Variants in CCDC68 observed in about 807,000 individuals in gnomAD.
CCDC68 encodes the protein coiled-coil domain-containing protein 68.
CCDC68 carries 45 observed loss-of-function variants against 47.1 expected under a neutral mutation model. The ratio of observed to expected loss-of-function variants is 0.96; its 90% CI spans 0.75 to 1.23. CCDC68 has a LOEUF of 1.23. CCDC68 is among the 50% of genes most tolerant of loss of function. The pLI, the probability that CCDC68 is intolerant of heterozygous loss-of-function variation, is 0.00. For missense variants in CCDC68, 353 were observed against 373.6 expected, an observed-to-expected ratio of 0.94 and a Z score of 0.45; for synonymous variants, 131 against 129.5, an observed-to-expected ratio of 1.01 and a Z score of -0.08.
At chr18:54,932,258 C>T (rs1336419343) in intron 7 of CCDC68, among the ~76,000 whole-genome samples, 2 of 150,998 alleles carry the variant, frequency 1.3e-5, no homozygotes, top group Admixed American at 1.3e-4. Flanking sequence ...CATCTCGGCT[C>T]ACTGCAGCCT....
At position 54,917,897 on chromosome 18, in the gene CCDC68, C is replaced by G; in HGVS notation, c.873+16G>C. The G allele has an allele frequency of 6.8e-7, 1 of 1,478,800 alleles. No homozygotes were observed. The highest frequency in any genetic ancestry group is 9.4e-7 in the Non-Finnish European group (1 of 1,059,274). 91.6% of individuals were successfully genotyped at this position (1,478,800 alleles called of 1,614,324 possible). Reference sequence around the variant, plus strand: ...CACACCCTCACAACAAAATGTAAGACAGGTTCCCTCCTTACCTGGGCTTCA... The same window carrying G: ...CACACCCTCACAACAAAATGTAAGAGAGGTTCCCTCCTTACCTGGGCTTCA... On this transcript the variant is annotated intron_variant, in intron 10 of 11. Transcript: ENST00000591504.
intron 1 of CCDC68, among the ~76,000 whole-genome samples, chr18:54,946,370 G>T (rs1043830957): frequency 6.6e-6 from 1 of 152,204 alleles, no homozygotes; most frequent in East Asian, 1.9e-4. Flanking sequence ...GGCAAGGAGT[G>T]GGGGCAGGAC....
intron 7 of CCDC68, among the ~76,000 whole-genome samples, chr18:54,931,184 G>A (rs1328231376): frequency 6.6e-6 from 1 of 152,208 alleles, no homozygotes; most frequent in Non-Finnish European, 1.5e-5. Flanking sequence ...AAGGGGACCA[G>A]ACAACCGGAC....
At position 54,938,057 on chromosome 18, in the gene CCDC68, T is replaced by C. The variant is rs766063187; in HGVS notation, c.245A>G (p.Asp82Gly). 1 of 1,613,886 alleles carries C rather than the reference T, an allele frequency of 6.2e-7. No homozygotes were observed. The highest frequency in any genetic ancestry group is 2.2e-5 in the East Asian group (1 of 44,842). Residue 82 changes from aspartate (D) to glycine (G), a missense_variant, in exon 5 of 12, where the codon GAT (aspartate) becomes GGT (glycine). By Grantham distance (94) the Asp-to-Gly change is moderately conservative (BLOSUM62 -1). Transcript: ENST00000591504. ...CAAATCCAAACTGCAACAAGAAGGA[T>C]CCATTTCAGAATCAGAGCCCTGTTG... Reference protein sequence around the residue: ...NLQQGSDSEMDPSCCSLDLLM... With the variant: ...NLQQGSDSEMGPSCCSLDLLM...
chr18:54,920,520 A>G (rs11661650), intron 8 of CCDC68, among the ~76,000 whole-genome samples: 27,000 of 152,146 alleles, frequency 0.18, 2,480 homozygotes, highest in South Asian at 0.25. Context: ...CAAAGATAGC[A>G]GAAATTCATA....
chr18:54,955,250 A>G (rs1175923653), intron 1 of CCDC68, among the ~76,000 whole-genome samples: 2 of 152,172 alleles, frequency 1.3e-5, no homozygotes, highest in African/African-American at 4.8e-5. Flanking sequence ...ACTTGAGCCC[A>G]GGAGTTTGAG....
chr18:54,931,277 C>G (rs999685360), intron 7 of CCDC68, among the ~76,000 whole-genome samples: 3 of 152,106 alleles, frequency 2.0e-5, no homozygotes, highest in African/African-American at 7.2e-5. Context: ...GAAAATCTCA[C>G]CATACCAGAT....
chr18:54,954,725 C>G (rs144335103), intron 1 of CCDC68: 1 of 151,892 alleles, frequency 6.6e-6, no homozygotes, highest in African/African-American at 2.4e-5. Context: ...GCTATAAAAT[C>G]GTGAGTATAA....
intron 5 of CCDC68, chr18:54,937,730 G>A: frequency 2.7e-6 from 1 of 371,450 alleles, no homozygotes; most frequent in Non-Finnish European, 4.9e-6. Flanking sequence ...TTGTATAACT[G>A]TTGAACTTTT....
At chr18:54,927,410 AAGAC>A (rs1361055593) in intron 8 of CCDC68, among the ~76,000 whole-genome samples, 1 of 152,194 alleles carries the variant, frequency 6.6e-6, no homozygotes, top group East Asian at 1.9e-4. Flanking sequence ...TGTTGGCTCA[AAGAC>A]AGACAATAGC....
chr18:54,942,092 C>G (rs542052719), intron 3 of CCDC68, among the ~76,000 whole-genome samples: 2 of 152,326 alleles, frequency 1.3e-5, no homozygotes, highest in South Asian at 4.1e-4. Flanking sequence ...GCCACTGCAC[C>G]TGGCCTACTC....
intron 11 of CCDC68, among the ~76,000 whole-genome samples, chr18:54,906,318 C>A (rs1428610196): frequency 6.6e-6 from 1 of 152,046 alleles, no homozygotes; most frequent in Admixed American, 6.6e-5. Flanking sequence ...TTTGGCCTTT[C>A]CCAAGTCACA....
At chr18:54,918,229 C>A (rs2043989478) in intron 9 of CCDC68, among the ~76,000 whole-genome samples, 1 of 152,228 alleles carries the variant, frequency 6.6e-6, no homozygotes, top group African/African-American at 2.4e-5. Flanking sequence ...TTTGGATAAC[C>A]TGTTTAAACC....
chr18:54,934,744 T>C, intron 7 of CCDC68, 76 bp downstream of exon 7: 1 of 1,041,064 alleles, frequency 9.6e-7, no homozygotes, highest in Non-Finnish European at 1.3e-6. Context: ...ATATCCTATT[T>C]ATTTTAGTAT....
At chr18:54,941,916 C>T (rs1041633825) in intron 3 of CCDC68, among the ~76,000 whole-genome samples, 2 of 152,120 alleles carry the variant, frequency 1.3e-5, no homozygotes, top group Non-Finnish European at 2.9e-5. Flanking sequence ...CTGCCTCAGC[C>T]TCCTGAGTAG....
intron 10 of CCDC68, among the ~76,000 whole-genome samples, chr18:54,916,749 G>A (rs1289864441): frequency 2.0e-5 from 3 of 152,126 alleles, no homozygotes; most frequent in Non-Finnish European, 4.4e-5. Flanking sequence ...CTAGCAAGGG[G>A]GTTGATATGG....
chr18:54,907,071 A>C lies in CCDC68; in HGVS notation c.950+715T>G, dbSNP rs565357813. On this transcript the variant is annotated intron_variant, in intron 11 of 11. Transcript: ENST00000591504. ...GCTTGGGAAATTCAAAAGCTGCTAG[A>C]AGACGAAGTTTTTAATCACTTTTTG... Among the ~76,000 whole-genome samples, 115 of 152,340 alleles carry C rather than the reference A, an allele frequency of 7.5e-4. 1 individual carries two copies. The highest frequency in any genetic ancestry group is 1.4e-3 in the Non-Finnish European group (94 of 68,030).
rs778566847 is a variant in CCDC68 at position 54,942,711 on chromosome 18, G to A, written c.81C>T (p.Ser27=). ...EDNSALYEST[S]AHIIEETEYV... is the part of the protein sequence containing the mutation. The stretch of plus-strand genomic sequence containing the variant: ...ACTCGGTTTCTTCAATAATGTGAGC[G>A]GACGTAGACTCATACAAGGCAGAAT... The change falls in exon 3 of 12, where the codon TCC becomes TCT. Residue 27 remains serine (S), a synonymous_variant. Coordinates refer to ENST00000591504, the MANE Select transcript of CCDC68 (RefSeq NM_025214.3). 21 of 1,608,914 alleles carry A rather than the reference G, an allele frequency of 1.3e-5. No individual in the cohort carries two copies. The highest frequency in any genetic ancestry group is 4.4e-5 in the South Asian group (4 of 90,520).
At position 54,936,884 on chromosome 18, in the gene CCDC68, C is replaced by A; in HGVS notation, c.420G>T (p.Thr140=). 1.9e-6 allele frequency: 3 copies of A among 1,614,050 alleles called. No individual in the cohort carries two copies. Among genetic ancestry groups the A allele is most frequent in the South Asian group, 1.1e-5 (1 of 91,078 alleles). Residue 140 remains threonine (T), a synonymous_variant, in exon 6 of 12, where the codon ACG becomes ACT. Transcript: ENST00000591504. ...GCTTCTTTCTCACTTCTTCAGATTG[C>A]GTTTGGTAGTTTTCAAATAATCTCT... The part of the protein sequence containing the change: ...VAQRLFENYQ[T]QSEEVRKKQE...
Sources: gnomAD v4.1 joint callset for allele counts (sites outside exome capture counted in the v4.1 genomes callset) on GRCh38, gnomAD v4.1.1 for gene constraint, MANE v1.5 for transcripts, NCBI Gene and HGNC (gene_info 2026-07-23, HGNC 2026-07-21) for gene names.